The following AFF4 variants were observed in gnomAD, a reference collection of about 807,000 sequenced individuals.
AFF4 encodes AF4/FMR2 family member 4.
In AFF4, 13 loss-of-function variants were observed where a neutral mutation model predicts 124.8. The observed-to-expected ratio is 0.10, with a 90% CI of 0.07 to 0.17. The LOEUF (loss-of-function observed/expected upper bound fraction) is 0.17, where lower values mean the gene tolerates loss of function less well. Ranked by LOEUF, AFF4 falls within the 10% of genes least tolerant of loss-of-function variation. The probability of loss-of-function intolerance (pLI) is 1.00; values close to 1 mark genes in which losing one functional copy is unlikely to be tolerated. For missense variants in AFF4, 1,092 were observed against 1,403.8 expected (o/e 0.78, Z 3.55); for synonymous variants, 477 against 496.1 (o/e 0.96, Z 0.51).
At chr5:132,916,089 T>G (rs1158842046) in intron 5 of AFF4, among the ~76,000 whole-genome samples, 1 of 151,608 alleles carries the variant, frequency 6.6e-6, no homozygotes, top group African/African-American at 2.4e-5. Context: ...TACTAAAAAA[T>G]TATCTGGGTG....
chr5:132,901,849 C>G (rs527596014), intron 7 of AFF4, among the ~76,000 whole-genome samples: 1 of 152,128 alleles, frequency 6.6e-6, no homozygotes, highest in Non-Finnish European at 1.5e-5. Flanking sequence ...CTGTGGCCCA[C>G]AAGCCAAATC....
At chr5:132,936,703 G>T (rs545520706) in intron 2 of AFF4, among the ~76,000 whole-genome samples, 1 of 152,160 alleles carries the variant, frequency 6.6e-6, no homozygotes, top group Non-Finnish European at 1.5e-5. Flanking sequence ...GGAAAATAGA[G>T]GTAAATGTAT....
chr5:132,949,659 C>T (rs978971511), intron 1 of AFF4, among the ~76,000 whole-genome samples: 4 of 151,528 alleles, frequency 2.6e-5, no homozygotes, highest in African/African-American at 9.7e-5. Context: ...ACCATCCTGG[C>T]TAACACAGTG....
chr5:132,957,927 A>G (rs948755583), intron 1 of AFF4, among the ~76,000 whole-genome samples: 1 of 152,142 alleles, frequency 6.6e-6, no homozygotes, highest in African/African-American at 2.4e-5. Flanking sequence ...AGGAAAACTT[A>G]TAGATTAAAA....
rs868014764 is a variant in AFF4 at position 132,908,772 on chromosome 5, A to T, written c.1051-4368T>A. 1.2e-3 allele frequency among the ~76,000 whole-genome samples: 125 copies of T among 102,814 alleles called. 2 individuals are homozygous for T. The highest frequency in any genetic ancestry group is 7.7e-4 in the African/African-American group (19 of 24,734). 67.4% of individuals were successfully genotyped at this position (102,814 alleles called of 152,430 possible). ...TATATATATACATATATATATATAT[A>T]TATATTTTTTTTTTTTGAGACGGAA... On this transcript the variant is annotated intron_variant, in intron 5 of 20. Transcript: ENST00000265343.
At chr5:132,925,036 G>A (rs776974059) in intron 5 of AFF4, among the ~76,000 whole-genome samples, 6 of 151,868 alleles carry the variant, frequency 4.0e-5, no homozygotes, top group East Asian at 3.9e-4. Flanking sequence ...TCAGCTGGGC[G>A]TGGTGGCGGG....
chr5:132,902,365 T>C, intron 7 of AFF4, 77 bp downstream of exon 7: 1 of 1,225,798 alleles, frequency 8.2e-7, no homozygotes, highest in Admixed American at 1.8e-5. Context: ...TTCTAAATAC[T>C]GTTCAAAATA....
chr5:132,931,873 G>A (rs1344395030), intron 4 of AFF4, among the ~76,000 whole-genome samples: 1 of 152,198 alleles, frequency 6.6e-6, no homozygotes, highest in Non-Finnish European at 1.5e-5. Flanking sequence ...GAACCTGGGA[G>A]GTGGAGGTTG....
At position 132,938,361 on chromosome 5, in the gene AFF4, G is replaced by A. The variant is rs375297300; in HGVS notation, c.-4-1168C>T. Among the ~76,000 whole-genome samples, 6 of 151,472 alleles carry A rather than the reference G, an allele frequency of 4.0e-5. No individual in the cohort carries two copies. The East Asian group carries it at 5.9e-4, about 15-fold the overall frequency. ...CAGCTCACCACAACCTATGCCTCCC[G>A]GGTTCAAGCGATTCTCCTACCTCAG... On this transcript the variant is annotated intron_variant, in intron 1 of 20. Transcript: ENST00000265343.
chr5:132,921,538 G>A (rs1026659584), intron 5 of AFF4, among the ~76,000 whole-genome samples: 5 of 149,570 alleles, frequency 3.3e-5, no homozygotes, highest in Non-Finnish European at 7.4e-5. Context: ...ACACGATCTC[G>A]GCTCACTGCA....
At chr5:132,901,696 T>TTAAGTAACCACTTAAG (rs1243028448) in intron 7 of AFF4, among the ~76,000 whole-genome samples, 2 of 152,312 alleles carry the variant, frequency 1.3e-5, no homozygotes, top group East Asian at 3.9e-4. Flanking sequence ...AATCTAGTGG[T>TTAAGTAACCACTTAAG]TAAATGAAGG....
rs552600112 is a variant in AFF4 at position 132,894,208 on chromosome 5, A to C, written c.2308-1090T>G. Among the ~76,000 whole-genome samples the C allele has an allele frequency of 6.3e-4, 96 of 152,372 alleles. No homozygotes were observed. In the South Asian group the frequency reaches 0.011, roughly 18 times the overall value. ...TATATAACTAGCAGTACAACTGCAG[A>C]TCAAAAGGTAACTCTATGTTTAACT... On this transcript the variant is annotated intron_variant, in intron 11 of 20. Coordinates refer to ENST00000265343, the MANE Select transcript of AFF4 (RefSeq NM_014423.4).
chr5:132,918,260 G>A (rs555223383), intron 5 of AFF4, among the ~76,000 whole-genome samples: 17 of 152,042 alleles, frequency 1.1e-4, no homozygotes, highest in African/African-American at 4.1e-4. Context: ...GGGTGTGGTG[G>A]CACTGGTCTG....
chr5:132,891,792 G>T, intron 13 of AFF4: 1 of 285,658 alleles, frequency 3.5e-6, no homozygotes, highest in Non-Finnish European at 6.3e-6. Context: ...CCAATGACTG[G>T]TTTCTATCTT....
At position 132,896,380 on chromosome 5, in the gene AFF4, T is replaced by G. The variant is rs763815070; in HGVS notation, c.2250A>C (p.Arg750Ser). The change falls in exon 11 of 21, where the codon AGA becomes AGC. Residue 750 changes from arginine to serine, a missense_variant. Arg to Ser is a moderately radical substitution (Grantham distance 110). This residue lies in a region of AFF4 where 293 missense variants were observed against 280.2 expected (regional missense o/e 1.05). Coordinates refer to ENST00000265343, the MANE Select transcript of AFF4 (RefSeq NM_014423.4). ...EKKNVPEKHT[R>S]EAQKQASEKV... Reference sequence around the variant, plus strand: ...TTTCTGAGGCTTGTTTCTGAGCCTCTCTCGTGTGCTTTTCTGGCACATTTT... The same window carrying G: ...TTTCTGAGGCTTGTTTCTGAGCCTCGCTCGTGTGCTTTTCTGGCACATTTT... 6.2e-7 allele frequency: 1 copy of G among 1,612,984 alleles called. No homozygotes were observed. Among genetic ancestry groups the G allele is most frequent in the Non-Finnish European group, 8.5e-7 (1 of 1,179,782 alleles).
At position 132,881,148 on chromosome 5, in the gene AFF4, T is replaced by C. The variant is rs747055112; in HGVS notation, c.3403A>G (p.Ile1135Val). Residue 1135 changes from isoleucine to valine, a missense_variant, in exon 21 of 21, where the codon ATC (isoleucine) becomes GTC (valine). This residue lies in a region of AFF4 where 173 missense variants were observed against 294.9 expected (regional missense o/e 0.59). Coordinates refer to ENST00000265343, the MANE Select transcript of AFF4 (RefSeq NM_014423.4). ...AELDKVMGPL[I>V]FNASIMTDLV... is the part of the protein sequence containing the mutation. ...TCTGTCATGATGCTTGCATTAAAGATGAGAGGGCCCATTACTTTATCCAGT... is the reference window on the plus strand; with the variant it reads ...TCTGTCATGATGCTTGCATTAAAGACGAGAGGGCCCATTACTTTATCCAGT... The C allele has an allele frequency of 3.1e-6, 5 of 1,614,210 alleles. No individual in the cohort carries two copies. Among genetic ancestry groups the C allele is most frequent in the Non-Finnish European group, 4.2e-6 (5 of 1,180,020 alleles).
rs191886522 is a variant in AFF4, at chr5:132,878,518, G to A, written c.*2541C>T. 2.7e-4 allele frequency: 62 copies of A among 232,464 alleles called. No individual in the cohort carries two copies. Among genetic ancestry groups the A allele is most frequent in the Non-Finnish European group, 4.2e-4 (49 of 117,232 alleles). The allele number at this position is 232,464 out of a possible 1,614,324, so 14.4% of individuals were successfully genotyped here. On this transcript the variant is annotated 3_prime_UTR_variant, in exon 21 of 21. Transcript: ENST00000265343. ...ACCTGTAAAGGAGTCCAAAGTATGT[G>A]CTGGAGCAGATGATGACAAAGACAG...
rs920686640 is a variant in AFF4, at chr5:132,889,620, T to C, written c.2638-447A>G. 2.0e-5 allele frequency among the ~76,000 whole-genome samples: 3 copies of C among 152,244 alleles called. No homozygotes were observed. The South Asian group carries it at 6.2e-4, about 31-fold the overall frequency. On this transcript the variant is annotated intron_variant, in intron 13 of 20. Coordinates refer to ENST00000265343, the MANE Select transcript of AFF4 (RefSeq NM_014423.4). ...ATTATTGTTAATCCTTTAACAAACC[T>C]ATGAAATAAGTACTGCTATTAAGAT... is the stretch of plus-strand genomic sequence containing the variant.
chr5:132,934,801 T>C lies in AFF4; in HGVS notation c.264A>G (p.Glu88=). The C allele has an allele frequency of 6.2e-7, 1 of 1,614,156 alleles. No individual in the cohort carries two copies. The highest frequency in any genetic ancestry group is 8.5e-7 in the Non-Finnish European group (1 of 1,180,026). ...GTTCAAAGAAATTTGGGTTAGATTT[T>C]TCATCTGCTGATGGTGGTACTGTAG... The part of the protein sequence containing the change: ...PKPTVPPSAD[E]KSNPNFFEQR... Residue 88 remains glutamate, a synonymous_variant, in exon 3 of 21, where the codon GAA becomes GAG. Coordinates refer to ENST00000265343, the MANE Select transcript of AFF4 (RefSeq NM_014423.4).
Sources: allele counts gnomAD v4.1 joint callset (sites outside exome capture counted in the v4.1 genomes callset), GRCh38; gene constraint gnomAD v4.1.1; regional missense constraint gnomAD v4.1.1; transcripts MANE v1.5; gene names NCBI Gene and HGNC (gene_info 2026-07-23, HGNC 2026-07-21).